Variants in PDS5A observed in about 807,000 individuals in gnomAD.
The protein encoded by PDS5A is PDS5 cohesin associated factor A.
In PDS5A, 42 loss-of-function variants were observed where a neutral mutation model predicts 167.1. That is an observed-to-expected ratio of 0.25 (90% CI 0.20 to 0.33). The LOEUF (loss-of-function observed/expected upper bound fraction) is 0.33, where lower values mean the gene tolerates loss of function less well. PDS5A is among the 10% of genes least tolerant of loss of function. PDS5A has a pLI of 1.00. For synonymous variants in PDS5A, 553 were observed against 554.6 expected (o/e 1.00, Z 0.04); for missense variants, 1,033 against 1,605.9 (o/e 0.64, Z 6.10).
chr4:39,898,562 G>GA, intron 15 of PDS5A, 34 bp from the exon 16 acceptor site: 2 of 1,301,110 alleles, frequency 1.5e-6, no homozygotes, highest in South Asian at 1.6e-5. Context: ...TATTAGAGAA[G>GA]GAAAAAAAAA....
intron 2 of PDS5A, among the ~76,000 whole-genome samples, chr4:39,938,743 C>T (rs1726911676): frequency 6.7e-6 from 1 of 149,112 alleles, no homozygotes. Flanking sequence ...AGGCTGAGGC[C>T]GATGGATCAC....
chr4:39,838,073 G>C lies in PDS5A; in HGVS notation c.3793C>G (p.Pro1265Ala), dbSNP rs1417830817. 6.2e-7 allele frequency: 1 copy of C among 1,613,914 alleles called. No individual in the cohort carries two copies. Among genetic ancestry groups the C allele is most frequent in the South Asian group, 1.1e-5 (1 of 91,078 alleles). ...EKVDESGPPA[P>A]SKPRRGRRPK... is the part of the protein sequence containing the mutation. ...CGACGTCCTCTCCTGGGTTTGGAAG[G>C]GGCGGGAGGTCCCGATTCATCTACT... is the stretch of plus-strand genomic sequence containing the variant. Residue 1265 changes from proline (P) to alanine (A), a missense_variant, in exon 32 of 33, where the codon CCT becomes GCT. This residue lies in a region of PDS5A where 233 missense variants were observed against 264.0 expected (regional missense o/e 0.88). Coordinates refer to ENST00000303538, the MANE Select transcript of PDS5A (RefSeq NM_001100399.2).
intron 2 of PDS5A, among the ~76,000 whole-genome samples, chr4:39,972,424 G>T (rs1730637698): frequency 6.6e-6 from 1 of 152,164 alleles, no homozygotes; most frequent in African/African-American, 2.4e-5. Context: ...GGAGGCTGGG[G>T]CAGGAGAATC....
In PDS5A at chr4:39,904,052, C is replaced by A. The variant is rs1578707279; in HGVS notation, c.1373G>T (p.Ser458Ile). Residue 458 changes from serine (S) to isoleucine (I), a missense_variant, in exon 12 of 33, where the codon AGC becomes ATC. Around this residue, in one of 4 missense-constraint regions of PDS5A, gnomAD observed 388 missense variants for 615.1 expected, o/e 0.63. Coordinates refer to ENST00000303538, the MANE Select transcript of PDS5A (RefSeq NM_001100399.2). ...DKLLHIYYQN[S>I]IDDKLLVEKI... ...ATATTAAACTCACTTGTCGTCAATGCTGTTCTGATAATAAATATGCAGAAG... is the reference window on the plus strand; with the variant it reads ...ATATTAAACTCACTTGTCGTCAATGATGTTCTGATAATAAATATGCAGAAG... 6.2e-7 allele frequency: 1 copy of A among 1,607,830 alleles called. No individual in the cohort carries two copies. Among genetic ancestry groups the A allele is most frequent in the Non-Finnish European group, 8.5e-7 (1 of 1,176,596 alleles).
intron 13 of PDS5A, among the ~76,000 whole-genome samples, chr4:39,901,229 A>G (rs2109652598): frequency 6.6e-6 from 1 of 150,498 alleles, no homozygotes; most frequent in East Asian, 2.0e-4. Context: ...TCGTAATAGA[A>G]TTTCTGCCAA....
At chr4:39,898,282 C>A in intron 16 of PDS5A, 107 bp downstream of exon 16, 1 of 1,368,200 alleles carries the variant, frequency 7.3e-7, no homozygotes, top group Non-Finnish European at 9.5e-7. Flanking sequence ...TCAGAGCTCA[C>A]AATATTGTTA....
intron 2 of PDS5A, chr4:39,973,698 G>C: frequency 1.6e-6 from 2 of 1,290,162 alleles, no homozygotes; most frequent in South Asian, 1.2e-5. Flanking sequence ...GCAAAGAAGA[G>C]TGCCAGGCTC....
Position 39,929,519 on chromosome 4 carries a change from C to CTCTATATATATATATATATA in PDS5A, c.139-1356_139-1355insTATATATATATATATATAGA, listed in dbSNP as rs1346928018. The stretch of plus-strand genomic sequence containing the variant: ...GCCTTGTGAGTTAATACTTAATAAA[C>CTCTATATATATATATATATA]TATATATATATATATATATATATAT... On this transcript the variant is annotated intron_variant, in intron 2 of 32. Transcript: ENST00000303538. Among the ~76,000 whole-genome samples the CTCTATATATATATATATATA allele has an allele frequency of 3.3e-4, 26 of 79,396 alleles. 1 individual carries two copies. The highest frequency in any genetic ancestry group is 1.8e-3 in the African/African-American group (20 of 11,422). The allele number at this position is 79,396 out of a possible 152,430, so 52.1% of individuals were successfully genotyped here.
intron 32 of PDS5A, among the ~76,000 whole-genome samples, chr4:39,835,075 A>C (rs767763177): frequency 1.3e-5 from 2 of 152,260 alleles, no homozygotes; most frequent in Middle Eastern, 3.4e-3. Flanking sequence ...GGTAGCTGAG[A>C]TTACAGGGGT....
Position 39,825,191 on chromosome 4 carries a change from C to T in PDS5A, c.*294G>A, listed in dbSNP as rs1042117829. 9.6e-6 allele frequency: 3 copies of T among 311,714 alleles called. No homozygotes were observed. Among genetic ancestry groups the T allele is most frequent in the African/African-American group, 6.4e-5 (3 of 46,554 alleles). 19.3% of individuals were successfully genotyped at this position (311,714 alleles called of 1,614,324 possible). A position where few individuals can be genotyped will look rare whatever the true frequency, so the allele number is the denominator to read the frequency against. ...AACTCCAGATAGGCAGGAACTGGAACCAAGTGTTAAGCAATTTGCTTAATT... is the reference window on the plus strand; with the variant it reads ...AACTCCAGATAGGCAGGAACTGGAATCAAGTGTTAAGCAATTTGCTTAATT... On this transcript the variant is annotated 3_prime_UTR_variant, in exon 33 of 33. Coordinates refer to ENST00000303538, the MANE Select transcript of PDS5A (RefSeq NM_001100399.2).
Position 39,837,984 on chromosome 4 carries a change from C to T in PDS5A, c.3882G>A (p.Lys1294=). ...KNDDLNKPIN[K]GRKRAAVGQE... is the part of the protein sequence containing the mutation. Reference sequence around the variant, plus strand: ...GACCCACTGCAGCTCTCTTCCTTCCCTTGTTAATAGGTTTATTTAGATCAT... The same window carrying T: ...GACCCACTGCAGCTCTCTTCCTTCCTTTGTTAATAGGTTTATTTAGATCAT... The change falls in exon 32 of 33, where the codon AAG becomes AAA. Residue 1294 remains lysine, a synonymous_variant. Coordinates refer to ENST00000303538, the MANE Select transcript of PDS5A (RefSeq NM_001100399.2). 1 of 1,614,016 alleles carries T rather than the reference C, an allele frequency of 6.2e-7. No homozygotes were observed. Among genetic ancestry groups the T allele is most frequent in the Non-Finnish European group, 8.5e-7 (1 of 1,179,898 alleles).
At position 39,904,217 on chromosome 4, in the gene PDS5A, G is replaced by A. The variant is rs1218897683; in HGVS notation, c.1234-26C>T. 9 of 1,564,418 alleles carry A rather than the reference G, an allele frequency of 5.8e-6. No homozygotes were observed. In the East Asian group the frequency reaches 1.4e-4, roughly 24 times the overall value. ...CTAAAAAGCATAAAATTTATTAGATGAGCAAGATAACAAAACTCTGTACTA... is the reference window on the plus strand; with the variant it reads ...CTAAAAAGCATAAAATTTATTAGATAAGCAAGATAACAAAACTCTGTACTA... On this transcript the variant is annotated intron_variant, in intron 11 of 32. Transcript: ENST00000303538.
intron 11 of PDS5A, 45 bp downstream of exon 11, chr4:39,908,350 A>T: frequency 6.8e-7 from 1 of 1,468,338 alleles, no homozygotes. Context: ...GTATTTAGCA[A>T]TTTAAACAGT....
Position 39,890,364 on chromosome 4 carries a change from T to A in PDS5A, c.1771A>T (p.Arg591Ter). Reference protein sequence around the residue: ...CSCKQADICVREIARKLANPK... With the variant: ...CSCKQADICV ...TTTGCAAGTTTCCGGGCTATTTCTCTCTATAGAAAGAAAGGAGTTTTACCA... is the reference window on the plus strand; with the variant it reads ...TTTGCAAGTTTCCGGGCTATTTCTCACTATAGAAAGAAAGGAGTTTTACCA... The change falls in exon 17 of 33, where the codon AGA (arginine) becomes TGA (stop). Residue 591 changes from arginine to a stop codon, truncating the protein, a stop_gained and splice_region_variant. Coordinates refer to ENST00000303538, the MANE Select transcript of PDS5A (RefSeq NM_001100399.2). LOFTEE classifies it high-confidence loss of function. 1 of 1,519,764 alleles carries A rather than the reference T, an allele frequency of 6.6e-7. No homozygotes were observed. Among genetic ancestry groups the A allele is most frequent in the Non-Finnish European group, 9.0e-7 (1 of 1,113,062 alleles). 94.1% of individuals were successfully genotyped at this position (1,519,764 alleles called of 1,614,324 possible). A position where few individuals can be genotyped will look rare whatever the true frequency, so the allele number is the denominator to read the frequency against.
At chr4:39,842,939 T>TATA (rs1560419736) in intron 30 of PDS5A, among the ~76,000 whole-genome samples, 1 of 31,826 alleles carries the variant, frequency 3.1e-5, no homozygotes, top group African/African-American at 2.0e-4. Context: ...ATATATATAT[T>TATA]TTAAGAGACA....
chr4:39,967,869 T>C (rs1041919751), intron 2 of PDS5A, among the ~76,000 whole-genome samples: 4 of 151,504 alleles, frequency 2.6e-5, no homozygotes, highest in African/African-American at 9.7e-5. Context: ...TGAGCTGAGA[T>C]TGCGCCACTG....
rs140721371 is a variant in PDS5A at position 39,941,359 on chromosome 4, T to C, written c.139-13195A>G. On this transcript the variant is annotated intron_variant, in intron 2 of 32. Coordinates refer to ENST00000303538, the MANE Select transcript of PDS5A (RefSeq NM_001100399.2). ...CAACCTGTCAGGTGTAAAGACAAAG[T>C]GAGTTCTGAATTAAACAGGCCATCT... Among the ~76,000 whole-genome samples, 4 of 152,340 alleles carry C rather than the reference T, an allele frequency of 2.6e-5. No homozygotes were observed. In the East Asian group the frequency reaches 7.7e-4, roughly 29 times the overall value.
intron 16 of PDS5A, 108 bp from the exon 17 acceptor site, chr4:39,890,472 A>G: frequency 1.5e-6 from 1 of 668,508 alleles, no homozygotes; most frequent in Non-Finnish European, 2.6e-6. Context: ...GTGGTTAAGA[A>G]TTGTCTGCTC....
At chr4:39,976,386 TC>T in intron 2 of PDS5A, 53 bp downstream of exon 2, 1 of 1,533,378 alleles carries the variant, frequency 6.5e-7, no homozygotes, top group Non-Finnish European at 9.0e-7. Flanking sequence ...GGTAGCAGTA[TC>T]ACAGGAGAAA....
Sources: allele counts gnomAD v4.1 joint callset (sites outside exome capture counted in the v4.1 genomes callset), GRCh38; gene constraint gnomAD v4.1.1; regional missense constraint gnomAD v4.1.1; transcripts MANE v1.5; gene names NCBI Gene and HGNC (gene_info 2026-07-23, HGNC 2026-07-21).